The following CREB3L4 variants were observed in gnomAD, a reference collection of about 807,000 sequenced individuals.
CREB3L4 encodes the protein cAMP responsive element binding protein 3 like 4.
A neutral mutation model predicts 37.0 loss-of-function variants in CREB3L4; 28 were observed. That is an observed-to-expected ratio of 0.76 (90% CI 0.56 to 1.04). The LOEUF is 1.04. CREB3L4 is among the 50% of genes least tolerant of loss of function. The pLI is 0.00. For synonymous variants in CREB3L4, 175 were observed against 192.2 expected, an observed-to-expected ratio of 0.91 and a Z score of 0.74; for missense variants, 462 against 486.0, an observed-to-expected ratio of 0.95 and a Z score of 0.46.
chr1:153,973,141 G>C, intron 6 of CREB3L4, 54 bp from the exon 7 acceptor site: 1 of 1,609,640 alleles, frequency 6.2e-7, no homozygotes, highest in South Asian at 1.1e-5. Flanking sequence ...CACCATGGGA[G>C]GCAAGGTAAG....
chr1:153,970,933 T>C (rs1458435818), intron 4 of CREB3L4, among the ~76,000 whole-genome samples: 5 of 148,742 alleles, frequency 3.4e-5, no homozygotes, highest in Non-Finnish European at 6.0e-5. Context: ...TTAGTAGAGA[T>C]GGGGTTTCAC....
At chr1:153,970,917 G>A (rs1471467840) in intron 4 of CREB3L4, among the ~76,000 whole-genome samples, 1 of 149,328 alleles carries the variant, frequency 6.7e-6, no homozygotes, top group Non-Finnish European at 1.5e-5. Flanking sequence ...GCTAATTTTT[G>A]TATTTTTAGT....
chr1:153,973,022 G>A lies in CREB3L4; in HGVS notation c.687G>A (p.Gln229=). ...KKVRRKIRNK[Q]SAQDSRRRKK... is the part of the protein sequence containing the mutation. ...TCAGGAGGAAAATCCGTAACAAGCA[G>A]TCAGCTCAGGACAGTCGGCGGCGGA... Residue 229 remains glutamine (Q), a synonymous_variant, in exon 6 of 10, where the codon CAG becomes CAA. Coordinates refer to ENST00000368607, the MANE Select transcript of CREB3L4 (RefSeq NM_001255978.2). The A allele has an allele frequency of 6.2e-7, 1 of 1,614,172 alleles. No individual in the cohort carries two copies. The highest frequency in any genetic ancestry group is 8.5e-7 in the Non-Finnish European group (1 of 1,180,036).
At position 153,968,579 on chromosome 1, in the gene CREB3L4, T is replaced by A. The variant is rs774259279; in HGVS notation, c.54T>A (p.Asp18Glu). The A allele has an allele frequency of 6.2e-7, 1 of 1,613,928 alleles. No individual in the cohort carries two copies. Among genetic ancestry groups the A allele is most frequent in the African/African-American group, 1.3e-5 (1 of 74,868 alleles). Residue 18 changes from aspartate to glutamate, a missense_variant, in exon 2 of 10, where the codon GAT (aspartate) becomes GAA (glutamate). Asp to Glu is a conservative substitution (Grantham distance 45). Coordinates refer to ENST00000368607, the MANE Select transcript of CREB3L4 (RefSeq NM_001255978.2). ...ACGCGTGGCTGGAGCCCCCAGAGGATATCTTCTCGACAGGATCCGTCCTGG... is the reference window on the plus strand; with the variant it reads ...ACGCGTGGCTGGAGCCCCCAGAGGAAATCTTCTCGACAGGATCCGTCCTGG... ...LLDAWLEPPEDIFSTGSVLEL... is the reference protein window; with the variant it reads ...LLDAWLEPPEEIFSTGSVLEL...
At position 153,969,315 on chromosome 1, in the gene CREB3L4, T is replaced by G; in HGVS notation, c.422-19T>G. The G allele has an allele frequency of 6.2e-7, 1 of 1,614,236 alleles. No individual in the cohort carries two copies. Among genetic ancestry groups the G allele is most frequent in the South Asian group, 1.1e-5 (1 of 91,086 alleles). On this transcript the variant is annotated intron_variant, in intron 3 of 9. Transcript: ENST00000368607. ...GTTCCTAAGTCTCCTTTCTCCCAGC[T>G]ACCTGTTTTCTACTCCAGATCAGTG...
rs148099383 is a variant in CREB3L4 at position 153,973,058 on chromosome 1, C to T, written c.723C>T (p.Tyr241=). Residue 241 remains tyrosine, a synonymous_variant, in exon 6 of 10, where the codon TAC becomes TAT. Coordinates refer to ENST00000368607, the MANE Select transcript of CREB3L4 (RefSeq NM_001255978.2). ...ACAGTCGGCGGCGGAAGAAGGAGTA[C>T]ATTGATGGGCTGGAGAGCAGGTACG... ...AQDSRRRKKE[Y]IDGLESRVAA... 9 of 1,614,030 alleles carry T rather than the reference C, an allele frequency of 5.6e-6. No individual in the cohort carries two copies. In the African/African-American group the frequency reaches 1.1e-4, roughly 19 times the overall value.
At chr1:153,969,544 T>C in intron 4 of CREB3L4, 89 bp downstream of exon 4, 1 of 1,479,698 alleles carries the variant, frequency 6.8e-7, no homozygotes, top group Non-Finnish European at 9.3e-7. Flanking sequence ...TGGAAACTGA[T>C]GATGAACTGC....
intron 4 of CREB3L4, among the ~76,000 whole-genome samples, chr1:153,970,497 T>C (rs1011053132): frequency 1.3e-5 from 2 of 152,208 alleles, no homozygotes; most frequent in Non-Finnish European, 2.9e-5. Flanking sequence ...ACTGGAACAG[T>C]TGCCCAGGAG....
chr1:153,969,534 T>C, intron 4 of CREB3L4, 79 bp downstream of exon 4: 1 of 1,521,754 alleles, frequency 6.6e-7, no homozygotes, highest in Admixed American at 1.8e-5. Flanking sequence ...GATGAGGGAA[T>C]GGAAACTGAT....
rs762042967 is a variant in CREB3L4 at position 153,969,429 on chromosome 1, G to T, written c.517G>T (p.Val173Leu). The T allele has an allele frequency of 6.2e-7, 1 of 1,613,974 alleles. No homozygotes were observed. The highest frequency in any genetic ancestry group is 2.2e-5 in the East Asian group (1 of 44,892). The change falls in exon 4 of 10, where the codon GTA (valine) becomes TTA (leucine). Residue 173 changes from valine to leucine, a missense_variant. Val to Leu is a conservative substitution (Grantham distance 32). Coordinates refer to ENST00000368607, the MANE Select transcript of CREB3L4 (RefSeq NM_001255978.2). ...HAHILPRAGT[V>L]APVPCTTLLP... ...CCACATCCTGCCCAGAGCAGGCACC[G>T]TAGCCCCAGTGCCCTGTACAACCCT...
At position 153,973,952 on chromosome 1, in the gene CREB3L4, C is replaced by A. The variant is rs770990694; in HGVS notation, c.1075C>A (p.Pro359Thr). Residue 359 changes from proline (P) to threonine (T), a missense_variant, in exon 10 of 10, where the codon CCA becomes ACA. By Grantham distance (38) the Pro-to-Thr change is conservative. Transcript: ENST00000368607. ...TQVVESRLREPPGAKDANGST... is the reference protein window; with the variant it reads ...TQVVESRLRETPGAKDANGST... ...AGTGGTAGAGTCCAGACTGAGGGAG[C>A]CACCTGGAGCCAAGGATGCAAATGG... The A allele has an allele frequency of 6.2e-7, 1 of 1,614,134 alleles. No individual in the cohort carries two copies. Among genetic ancestry groups the A allele is most frequent in the Non-Finnish European group, 8.5e-7 (1 of 1,179,992 alleles).
At chr1:153,967,631 A>C (rs1226757739), upstream of CREB3L4, 3 of 152,024 alleles carry the variant, frequency 2.0e-5, no homozygotes, top group Non-Finnish European at 4.4e-5. Context: ...CAGCCTGGGC[A>C]ACAGAGCGAG....
Position 153,974,230 on chromosome 1 carries a change from C to G in CREB3L4, c.*165C>G. The stretch of plus-strand genomic sequence containing the variant: ...CTTTAGTCTCTGCCTGAGGCCTAGT[C>G]TGCATTTGTTTGCATATATGAGAGG... On this transcript the variant is annotated 3_prime_UTR_variant, in exon 10 of 10. Transcript: ENST00000368607. 1 of 606,784 alleles carries G rather than the reference C, an allele frequency of 1.6e-6. No homozygotes were observed. Among genetic ancestry groups the G allele is most frequent in the Non-Finnish European group, 2.9e-6 (1 of 350,066 alleles). 37.6% of individuals were successfully genotyped at this position (606,784 alleles called of 1,614,324 possible). A position where few individuals can be genotyped will look rare whatever the true frequency, so the allele number is the denominator to read the frequency against.
chr1:153,973,511 T>C (rs1360077450), intron 8 of CREB3L4, 47 bp downstream of exon 8: 1 of 1,588,590 alleles, frequency 6.3e-7, no homozygotes, highest in East Asian at 2.2e-5. Context: ...CTTCTATCCT[T>C]ATACCCCGAC....
intron 4 of CREB3L4, among the ~76,000 whole-genome samples, chr1:153,972,204 G>C (rs187722991): frequency 6.6e-6 from 1 of 152,150 alleles, no homozygotes; most frequent in African/African-American, 2.4e-5. Context: ...GCTGTGAGAC[G>C]TATGGCTGCC....
intron 7 of CREB3L4, 49 bp from the exon 8 acceptor site, chr1:153,973,331 T>C: frequency 6.2e-7 from 1 of 1,611,354 alleles, no homozygotes; most frequent in Non-Finnish European, 8.5e-7. Context: ...GTGCCATTCT[T>C]GGCCCCTGGT....
In CREB3L4 at chr1:153,969,384, C is replaced by T; in HGVS notation, c.472C>T (p.Leu158=). The part of the protein sequence containing the change: ...MVPDSCMVSE[L]PFDAHAHILP... Reference sequence around the variant, plus strand: ...GCCTGATTCCTGCATGGTCAGTGAGCTGCCCTTTGATGCTCATGCCCACAT... The same window carrying T: ...GCCTGATTCCTGCATGGTCAGTGAGTTGCCCTTTGATGCTCATGCCCACAT... Residue 158 remains leucine, a synonymous_variant, in exon 4 of 10, where the codon CTG becomes TTG. Transcript: ENST00000368607. 1.2e-6 allele frequency: 2 copies of T among 1,614,176 alleles called. No homozygotes were observed. The highest frequency in any genetic ancestry group is 1.7e-5 in the Admixed American group (1 of 60,028).
chr1:153,970,547 C>A (rs977705451), intron 4 of CREB3L4, among the ~76,000 whole-genome samples: 2 of 152,120 alleles, frequency 1.3e-5, no homozygotes, highest in African/African-American at 4.8e-5. Flanking sequence ...AGAGGTATCA[C>A]ATTAGATGCC....
chr1:153,969,268 C>G, intron 3 of CREB3L4, 66 bp from the exon 4 acceptor site: 1 of 1,613,976 alleles, frequency 6.2e-7, no homozygotes, highest in Non-Finnish European at 8.5e-7. Context: ...TGCCACTACC[C>G]AGGCCCTGCG....
Sources: allele counts gnomAD v4.1 joint callset (sites outside exome capture counted in the v4.1 genomes callset), GRCh38; gene constraint gnomAD v4.1.1; transcripts MANE v1.5; gene names NCBI Gene and HGNC (gene_info 2026-07-23, HGNC 2026-07-21).